PDIA5: variants seen among roughly 807,000 people sequenced by gnomAD.
PDIA5 encodes the protein protein disulfide-isomerase A5.
Under a neutral mutation model 77.6 loss-of-function variants are expected in PDIA5, and 58 were observed. The observed-to-expected ratio is 0.75, with a 90% CI of 0.61 to 0.93. The LOEUF (loss-of-function observed/expected upper bound fraction) is 0.93. PDIA5 is among the 40% of genes least tolerant of loss of function. The pLI, the probability that PDIA5 is intolerant of heterozygous loss-of-function variation, is 0.00. For synonymous variants in PDIA5, 250 were observed against 252.1 expected (o/e 0.99, Z 0.08); for missense variants, 630 against 647.7 (o/e 0.97, Z 0.30).
intron 5 of PDIA5, among the ~76,000 whole-genome samples, chr3:123,104,216 C>T (rs1046521352): frequency 2.0e-5 from 3 of 152,070 alleles, no homozygotes; most frequent in Admixed American, 6.6e-5. Flanking sequence ...GAGCATCGTA[C>T]GGGGCCAGAG....
intron 6 of PDIA5, 75 bp downstream of exon 6, chr3:123,106,916 C>A: frequency 1.0e-6 from 1 of 960,516 alleles, no homozygotes; most frequent in Non-Finnish European, 1.6e-6. Context: ...GAAAGGAGCC[C>A]AACGAACTGA....
At chr3:123,135,304 A>G (rs1297049632) in intron 11 of PDIA5, among the ~76,000 whole-genome samples, 1 of 152,034 alleles carries the variant, frequency 6.6e-6, no homozygotes, top group African/African-American at 2.4e-5. Flanking sequence ...GGGGCATCCC[A>G]GAGAGGGGTG....
intron 14 of PDIA5, among the ~76,000 whole-genome samples, 183 bp downstream of exon 14, chr3:123,150,547 T>A (rs1340654970): frequency 6.6e-6 from 1 of 152,170 alleles, no homozygotes; most frequent in Admixed American, 6.5e-5. Flanking sequence ...ATCCAGGGCC[T>A]CCTTTTGTCA....
At chr3:123,080,153 TG>T (rs1933960817) in intron 1 of PDIA5, among the ~76,000 whole-genome samples, 1 of 149,118 alleles carries the variant, frequency 6.7e-6, no homozygotes, top group Non-Finnish European at 1.5e-5. Flanking sequence ...GATGGGTGTG[TG>T]TGTGGGGGGG....
chr3:123,146,397 C>G (rs529540932), intron 13 of PDIA5, 138 bp downstream of exon 13: 1 of 709,484 alleles, frequency 1.4e-6, no homozygotes, highest in Admixed American at 2.7e-5. Flanking sequence ...CTGACTTCCT[C>G]AACCCTAAAA....
At chr3:123,111,928 G>C (rs956518262) in intron 7 of PDIA5, among the ~76,000 whole-genome samples, 3 of 152,120 alleles carry the variant, frequency 2.0e-5, no homozygotes, top group African/African-American at 7.2e-5. Context: ...CTGACAAAGG[G>C]TCAGCAAATT....
At chr3:123,098,315 C>G (rs1484414759) in intron 3 of PDIA5, among the ~76,000 whole-genome samples, 2 of 152,062 alleles carry the variant, frequency 1.3e-5, no homozygotes, top group Admixed American at 6.5e-5. Flanking sequence ...TGAAAGACCT[C>G]AGACCCCCAC....
intron 14 of PDIA5, among the ~76,000 whole-genome samples, chr3:123,154,217 A>G (rs2107991319): frequency 6.6e-6 from 1 of 152,226 alleles, no homozygotes; most frequent in African/African-American, 2.4e-5. Flanking sequence ...TGCTGGAGGT[A>G]GGGGCCCCAG....
chr3:123,108,978 C>T (rs865986379), intron 6 of PDIA5, among the ~76,000 whole-genome samples: 1 of 152,296 alleles, frequency 6.6e-6, no homozygotes, highest in South Asian at 2.1e-4. Flanking sequence ...ACAGCCTAAA[C>T]GGAGTGCTGC....
chr3:123,079,588 T>C (rs1347794388), intron 1 of PDIA5, among the ~76,000 whole-genome samples: 1 of 152,226 alleles, frequency 6.6e-6, no homozygotes, highest in Non-Finnish European at 1.5e-5. Flanking sequence ...TTGTTGGACA[T>C]TTAGGTTGTT....
intron 12 of PDIA5, 34 bp from the exon 13 acceptor site, chr3:123,146,065 C>A (rs895370277): frequency 3.7e-6 from 6 of 1,606,636 alleles, no homozygotes; most frequent in Admixed American, 1.7e-5. Flanking sequence ...GCATCTGAGG[C>A]TGTAATGCAT....
intron 3 of PDIA5, among the ~76,000 whole-genome samples, chr3:123,099,185 G>A (rs1934519999): frequency 1.3e-5 from 2 of 152,218 alleles, no homozygotes; most frequent in Non-Finnish European, 2.9e-5. Context: ...GATTCCTGGA[G>A]CTCAATAGAC....
Position 123,110,925 on chromosome 3 carries a change from TTC to T in PDIA5, c.481-15_481-14del. On this transcript the variant is annotated splice_polypyrimidine_tract_variant and intron_variant, in intron 6 of 16. Transcript: ENST00000316218. ...CTGTGTTGTGTGCGAGCTGCTGGTA[TTC>T]TCTTTTTGTGCCTCAGGACTTCAGA... is the stretch of plus-strand genomic sequence containing the variant. 1 of 1,608,916 alleles carries T rather than the reference TTC, an allele frequency of 6.2e-7. No individual in the cohort carries two copies.
Position 123,144,920 on chromosome 3 carries a change from C to G in PDIA5, c.911-602C>G, listed in dbSNP as rs1031173903. Reference sequence around the variant, plus strand: ...AAAAAAAAGAAAGAAAAGGACAGAGCAGTTTCTATCCCAAAAAATTCCCAT... The same window carrying G: ...AAAAAAAAGAAAGAAAAGGACAGAGGAGTTTCTATCCCAAAAAATTCCCAT... On this transcript the variant is annotated intron_variant, in intron 11 of 16. Coordinates refer to ENST00000316218, the MANE Select transcript of PDIA5 (RefSeq NM_006810.4). 2.0e-5 allele frequency: 3 copies of G among 152,096 alleles called. No homozygotes were observed. The South Asian group carries it at 6.2e-4, about 32-fold the overall frequency. The allele number at this position is 152,096 out of a possible 1,614,324, so 9.4% of individuals were successfully genotyped here.
intron 15 of PDIA5, among the ~76,000 whole-genome samples, chr3:123,158,813 GAT>G (rs1195624458): frequency 1.3e-5 from 2 of 152,224 alleles, no homozygotes; most frequent in African/African-American, 4.8e-5. Flanking sequence ...TGTTGCAGGT[GAT>G]CAGTGCAAAT....
At chr3:123,070,102 A>AC (rs1464060427) in intron 1 of PDIA5, among the ~76,000 whole-genome samples, 3 of 151,772 alleles carry the variant, frequency 2.0e-5, no homozygotes, top group Admixed American at 6.6e-5. Context: ...AAAAAAAAAA[A>AC]AAGAAGAAGA....
At position 123,151,523 on chromosome 3, in the gene PDIA5, G is replaced by C. The variant is rs567939403; in HGVS notation, c.1273+1159G>C. ...CTGCAGGAGTGGAAGCCCTTGACCA[G>C]ACGAAATACTTTCCCCCAGACCTCT... On this transcript the variant is annotated intron_variant, in intron 14 of 16. Transcript: ENST00000316218. Among the ~76,000 whole-genome samples, 7 of 152,350 alleles carry C rather than the reference G, an allele frequency of 4.6e-5. No homozygotes were observed. In the East Asian group the frequency reaches 1.2e-3, roughly 25 times the overall value.
At chr3:123,142,814 T>A (rs1935673801) in intron 11 of PDIA5, among the ~76,000 whole-genome samples, 1 of 152,154 alleles carries the variant, frequency 6.6e-6, no homozygotes, top group Non-Finnish European at 1.5e-5. Context: ...ACTGCTGAAT[T>A]GAGCATGGGG....
At chr3:123,099,202 C>G (rs1052418389) in intron 3 of PDIA5, among the ~76,000 whole-genome samples, 3 of 152,204 alleles carry the variant, frequency 2.0e-5, no homozygotes, top group African/African-American at 7.2e-5. Flanking sequence ...AGACAGAGCC[C>G]AGAGATCCCA....
Sources: gnomAD v4.1 joint callset for allele counts (sites outside exome capture counted in the v4.1 genomes callset) on GRCh38, gnomAD v4.1.1 for gene constraint, MANE v1.5 for transcripts, NCBI Gene and HGNC (gene_info 2026-07-23, HGNC 2026-07-21) for gene names.